Variants in SEMA5A observed in about 807,000 individuals in gnomAD.
SEMA5A encodes semaphorin-5A.
In SEMA5A, 55 loss-of-function variants were observed where a neutral mutation model predicts 135.5. The observed-to-expected ratio is 0.41, with a 90% CI of 0.33 to 0.51. SEMA5A has a LOEUF of 0.51. Among genes scored for constraint, SEMA5A ranks in the 20% least tolerant of loss-of-function variants. SEMA5A has a pLI of 0.37. For synonymous variants in SEMA5A, 580 were observed against 546.5 expected (o/e 1.06, Z -0.85); for missense variants, 1,290 against 1,419.9 (o/e 0.91, Z 1.47).
chr5:9,136,428 G>A, intron 13 of SEMA5A, 76 bp downstream of exon 13: 1 of 1,224,752 alleles, frequency 8.2e-7, no homozygotes, highest in Non-Finnish European at 1.2e-6. Flanking sequence ...CAGCGTGACA[G>A]TGTGACTGAG....
chr5:9,536,717 G>A (rs1030512775), intron 1 of SEMA5A, among the ~76,000 whole-genome samples: 2 of 151,842 alleles, frequency 1.3e-5, no homozygotes, highest in Non-Finnish European at 2.9e-5. Flanking sequence ...ATAATATCTG[G>A]ACAATGGACC....
At chr5:9,312,214 C>T (rs575400594) in intron 5 of SEMA5A, among the ~76,000 whole-genome samples, 1 of 152,086 alleles carries the variant, frequency 6.6e-6, no homozygotes, top group East Asian at 1.9e-4. Context: ...AAGAAGAAAA[C>T]TTATACTGAA....
At chr5:9,284,106 T>TAGAGAGAGAGAGAGAGAG (rs3034563) in intron 5 of SEMA5A, among the ~76,000 whole-genome samples, 19 of 148,598 alleles carry the variant, frequency 1.3e-4, no homozygotes, top group African/African-American at 4.7e-4. Context: ...AGATAGATAT[T>TAGAGAGAGAGAGAGAGAG]AGAGAGAGAG....
At chr5:9,386,468 C>T (rs901640048) in intron 2 of SEMA5A, among the ~76,000 whole-genome samples, 1 of 152,076 alleles carries the variant, frequency 6.6e-6, no homozygotes, top group African/African-American at 2.4e-5. Flanking sequence ...CCCTGTGGTC[C>T]CTCTCACCTT....
intron 1 of SEMA5A, among the ~76,000 whole-genome samples, chr5:9,540,105 C>T (rs1737995428): frequency 6.6e-6 from 1 of 152,196 alleles, no homozygotes; most frequent in Non-Finnish European, 1.5e-5. Flanking sequence ...TATACATAGT[C>T]TCTAAGGGCA....
intron 5 of SEMA5A, among the ~76,000 whole-genome samples, chr5:9,258,676 A>G: frequency 6.6e-6 from 1 of 152,104 alleles, no homozygotes; most frequent in East Asian, 1.9e-4. Context: ...AGCAACCTCA[A>G]AGGGTCTTGG....
chr5:9,157,535 G>A (rs557500995), intron 11 of SEMA5A, among the ~76,000 whole-genome samples: 16 of 152,012 alleles, frequency 1.1e-4, no homozygotes, highest in East Asian at 3.9e-4. Context: ...CCTAGTTCTC[G>A]TCCACCCGCC....
chr5:9,152,756 T>TTCAC (rs1742697835), intron 12 of SEMA5A, among the ~76,000 whole-genome samples: 1 of 152,174 alleles, frequency 6.6e-6, no homozygotes, highest in Non-Finnish European at 1.5e-5. Context: ...TCTGAAATAC[T>TTCAC]TTTGCGACCT....
chr5:9,510,090 A>T (rs1325539721), intron 1 of SEMA5A, among the ~76,000 whole-genome samples: 2 of 152,158 alleles, frequency 1.3e-5, no homozygotes. Flanking sequence ...AATTCCAGGG[A>T]ATCTGGAAAG....
Position 9,228,156 on chromosome 5 carries a change from G to C in SEMA5A, c.334-1189C>G, listed in dbSNP as rs142149372. Among the ~76,000 whole-genome samples, 26 of 152,292 alleles carry C rather than the reference G, an allele frequency of 1.7e-4. No individual in the cohort carries two copies. In the South Asian group the frequency reaches 3.1e-3, roughly 18 times the overall value. ...ACAGGATCATGACAATTACCACAGA[G>C]CTGTCCATGCACTGTAATGAGGACA... On this transcript the variant is annotated intron_variant, in intron 6 of 22. Coordinates refer to ENST00000382496, the MANE Select transcript of SEMA5A (RefSeq NM_003966.3).
intron 10 of SEMA5A, 132 bp downstream of exon 10, chr5:9,197,036 T>C (rs1019393532): frequency 1.6e-6 from 2 of 1,287,120 alleles, no homozygotes; most frequent in Non-Finnish European, 2.2e-6. Flanking sequence ...TATGGGGCTG[T>C]CCATGAGGGG....
At chr5:9,096,955 A>C (rs1394907916) in intron 16 of SEMA5A, among the ~76,000 whole-genome samples, 1 of 152,186 alleles carries the variant, frequency 6.6e-6, no homozygotes, top group African/African-American at 2.4e-5. Flanking sequence ...ACTTTTCATC[A>C]TAGAGAGGAA....
intron 16 of SEMA5A, among the ~76,000 whole-genome samples, chr5:9,101,777 T>C (rs1370486158): frequency 1.3e-5 from 2 of 151,996 alleles, no homozygotes; most frequent in African/African-American, 4.8e-5. Flanking sequence ...CCCTATTCAA[T>C]AGTAGCCTAT....
intron 2 of SEMA5A, among the ~76,000 whole-genome samples, chr5:9,410,243 TATAAC>T (rs1296334122): frequency 6.6e-6 from 1 of 152,198 alleles, no homozygotes; most frequent in Non-Finnish European, 1.5e-5. Context: ...AAAAATTAAA[TATAAC>T]AATGCACTCC....
chr5:9,285,475 A>C (rs11742804), intron 5 of SEMA5A, among the ~76,000 whole-genome samples: 62,493 of 152,026 alleles, frequency 0.41, 13,105 homozygotes, highest in South Asian at 0.47. Flanking sequence ...GAAACTCTTT[A>C]GTCTCTCAAC....
intron 10 of SEMA5A, among the ~76,000 whole-genome samples, chr5:9,195,574 T>A (rs1745344230): frequency 6.6e-6 from 1 of 152,214 alleles, no homozygotes; most frequent in South Asian, 2.1e-4. Context: ...TTTTATCCCT[T>A]TCCCCCTTTG....
chr5:9,483,686 G>A (rs1262709051), intron 1 of SEMA5A, among the ~76,000 whole-genome samples: 1 of 152,032 alleles, frequency 6.6e-6, no homozygotes, highest in Non-Finnish European at 1.5e-5. Context: ...CCCTTACCCT[G>A]GTACCTGCCA....
chr5:9,065,217 G>T (rs1737399002), intron 17 of SEMA5A, among the ~76,000 whole-genome samples: 1 of 152,186 alleles, frequency 6.6e-6, no homozygotes, highest in Non-Finnish European at 1.5e-5. Flanking sequence ...TGAGGAAGCA[G>T]GCTTGTAAAG....
chr5:9,046,469 G>A lies in SEMA5A; in HGVS notation c.2894-1885C>T, dbSNP rs1421871793. Among the ~76,000 whole-genome samples the A allele has an allele frequency of 4.6e-5, 7 of 152,280 alleles. No individual in the cohort carries two copies. The East Asian group carries it at 7.7e-4, about 17-fold the overall frequency. On this transcript the variant is annotated intron_variant, in intron 21 of 22. Transcript: ENST00000382496. ...GGAAGGGATTCCACCCTGCCAATGCGGACCCACGGGGCTCTAATACTTGGT... is the reference window on the plus strand; with the variant it reads ...GGAAGGGATTCCACCCTGCCAATGCAGACCCACGGGGCTCTAATACTTGGT...
Sources: allele counts gnomAD v4.1 joint callset (sites outside exome capture counted in the v4.1 genomes callset), GRCh38; gene constraint gnomAD v4.1.1; transcripts MANE v1.5; gene names NCBI Gene and HGNC (gene_info 2026-07-23, HGNC 2026-07-21).